The following NOS1AP variants were observed in gnomAD, a reference collection of about 807,000 sequenced individuals.
The protein encoded by NOS1AP is nitric oxide synthase 1 adaptor protein, also known as carboxyl-terminal PDZ ligand of neuronal nitric oxide synthase protein.
Under a neutral mutation model 56.2 loss-of-function variants are expected in NOS1AP, and 21 were observed. That is an observed-to-expected ratio of 0.37 (90% CI 0.26 to 0.54). NOS1AP has a LOEUF of 0.54. NOS1AP is among the 20% of genes least tolerant of loss of function. The pLI, the probability that NOS1AP is intolerant of heterozygous loss-of-function variation, is 0.84. For missense variants in NOS1AP, 522 were observed against 657.8 expected, an observed-to-expected ratio of 0.79 and a Z score of 2.26; for synonymous variants, 270 against 274.6, an observed-to-expected ratio of 0.98 and a Z score of 0.17.
intron 3 of NOS1AP, among the ~76,000 whole-genome samples, chr1:162,296,887 G>A (rs1655483459): frequency 6.6e-6 from 1 of 152,158 alleles, no homozygotes; most frequent in African/African-American, 2.4e-5. Flanking sequence ...AGAGTCACAG[G>A]TCACAAAAAC....
chr1:162,367,355 C>T lies in NOS1AP; in HGVS notation c.1409C>T (p.Thr470Met), dbSNP rs1658132098. The T allele has an allele frequency of 1.9e-6, 3 of 1,612,334 alleles. No homozygotes were observed. Among genetic ancestry groups the T allele is most frequent in the Admixed American group, 1.7e-5 (1 of 59,944 alleles). The change falls in exon 10 of 10, where the codon ACG becomes ATG. Residue 470 changes from threonine to methionine, a missense_variant. Coordinates refer to ENST00000361897, the MANE Select transcript of NOS1AP (RefSeq NM_014697.3). The surrounding 1 kb of genome is among the most constrained non-coding windows in gnomAD (Gnocchi z 6.5). ...SGIASEYESN[T>M]DESEERDSWS... ...ATCGCCTCGGAGTACGAGTCCAACA[C>T]GGACGAGAGCGAGGAGCGCGACTCG...
At chr1:162,201,612 G>A (rs930886429) in intron 2 of NOS1AP, among the ~76,000 whole-genome samples, 1 of 152,086 alleles carries the variant, frequency 6.6e-6, no homozygotes, top group African/African-American at 2.4e-5. Context: ...GCCAGCATCT[G>A]TTATTTTTTG....
At chr1:162,243,350 C>A (rs1344603353) in intron 2 of NOS1AP, among the ~76,000 whole-genome samples, 2 of 152,130 alleles carry the variant, frequency 1.3e-5, no homozygotes, top group African/African-American at 4.8e-5. Flanking sequence ...GCATAAAGAG[C>A]AGTACCTCTC....
intron 1 of NOS1AP, among the ~76,000 whole-genome samples, chr1:162,145,047 T>C (rs938866063): frequency 6.6e-6 from 1 of 152,196 alleles, no homozygotes; most frequent in Non-Finnish European, 1.5e-5. Flanking sequence ...TGCTGTGATC[T>C]CCGGCACATT....
chr1:162,102,622 T>C (rs978004387), intron 1 of NOS1AP, among the ~76,000 whole-genome samples: 1 of 152,164 alleles, frequency 6.6e-6, no homozygotes, highest in African/African-American at 2.4e-5. Flanking sequence ...AACTCCTTTT[T>C]AGTCTATTCA....
At chr1:162,089,494 A>G (rs1254773799) in intron 1 of NOS1AP, among the ~76,000 whole-genome samples, 1 of 152,216 alleles carries the variant, frequency 6.6e-6, no homozygotes, top group East Asian at 1.9e-4. Context: ...TATTATTGTG[A>G]TACTCTGAGT....
intron 6 of NOS1AP, 35 bp from the exon 7 acceptor site, chr1:162,355,152 C>T: frequency 1.9e-6 from 3 of 1,612,756 alleles, no homozygotes; most frequent in Non-Finnish European, 1.7e-6. Flanking sequence ...TCGGTGTTTT[C>T]ATTCTCTTCC....
chr1:162,121,701 A>G (rs1648243070), intron 1 of NOS1AP, among the ~76,000 whole-genome samples: 1 of 152,216 alleles, frequency 6.6e-6, no homozygotes, highest in Non-Finnish European at 1.5e-5. Context: ...ATAAACAATA[A>G]CAACAAAAAT....
At chr1:162,085,127 G>C (rs1282365872) in intron 1 of NOS1AP, among the ~76,000 whole-genome samples, 1 of 152,098 alleles carries the variant, frequency 6.6e-6, no homozygotes, top group Admixed American at 6.5e-5. Context: ...CAGGTCTCCA[G>C]CTTCTCCAGC....
At chr1:162,301,985 A>T (rs886350244) in intron 4 of NOS1AP, among the ~76,000 whole-genome samples, 4 of 152,230 alleles carry the variant, frequency 2.6e-5, no homozygotes, top group Non-Finnish European at 5.9e-5. Context: ...AATTTCATAG[A>T]TTACTAAACT....
chr1:162,178,171 G>T (rs865867613), intron 2 of NOS1AP, among the ~76,000 whole-genome samples: 1 of 152,100 alleles, frequency 6.6e-6, no homozygotes, highest in Non-Finnish European at 1.5e-5. Context: ...TCTTATTATG[G>T]CTCGATAGCT....
rs190619010 is a variant in NOS1AP, at chr1:162,239,772, A to G, written c.178-47572A>G. On this transcript the variant is annotated intron_variant, in intron 2 of 9. Coordinates refer to ENST00000361897, the MANE Select transcript of NOS1AP (RefSeq NM_014697.3). ...AGTGGGAGAGAACCCCAGTAGGAAA[A>G]GCAGCATAAACAAGTAGGGTGATGT... is the stretch of plus-strand genomic sequence containing the variant. Among the ~76,000 whole-genome samples the G allele has an allele frequency of 1.8e-3, 272 of 152,348 alleles. 3 individuals carry two copies. The highest frequency in any genetic ancestry group is 6.0e-3 in the African/African-American group (248 of 41,580).
chr1:162,167,807 G>A (rs1382306011), intron 2 of NOS1AP, among the ~76,000 whole-genome samples: 2 of 152,216 alleles, frequency 1.3e-5, no homozygotes, highest in Admixed American at 6.5e-5. Flanking sequence ...GGAGAGCTGG[G>A]AAGGGAGACA....
intron 1 of NOS1AP, among the ~76,000 whole-genome samples, chr1:162,092,075 G>C (rs1428855627): frequency 6.6e-6 from 1 of 152,174 alleles, no homozygotes; most frequent in Non-Finnish European, 1.5e-5. Flanking sequence ...CAAGGCTGTG[G>C]ATCCAACAAA....
At chr1:162,298,247 C>T (rs1367499614) in intron 3 of NOS1AP, among the ~76,000 whole-genome samples, 3 of 152,234 alleles carry the variant, frequency 2.0e-5, no homozygotes, top group Admixed American at 6.5e-5. Context: ...GGCTCATCTT[C>T]CCTGCCAGCT....
chr1:162,160,025 G>A lies in NOS1AP; in HGVS notation c.177+5549G>A, dbSNP rs531651422. On this transcript the variant is annotated intron_variant, in intron 2 of 9. Transcript: ENST00000361897. Reference sequence around the variant, plus strand: ...TTGATTTCTTGCTCTTAAACCAGGGGATAGATCCCTGCAGTCGAAACGTGG... The same window carrying A: ...TTGATTTCTTGCTCTTAAACCAGGGAATAGATCCCTGCAGTCGAAACGTGG... Among the ~76,000 whole-genome samples, 3 of 152,210 alleles carry A rather than the reference G, an allele frequency of 2.0e-5. No homozygotes were observed. The South Asian group carries it at 6.2e-4, about 32-fold the overall frequency.
chr1:162,160,552 A>G (rs1012392960), intron 2 of NOS1AP, among the ~76,000 whole-genome samples: 1 of 152,136 alleles, frequency 6.6e-6, no homozygotes, highest in Non-Finnish European at 1.5e-5. Context: ...CACCAGCAGT[A>G]CGCTTCGGCA....
chr1:162,208,848 G>A (rs950274492), intron 2 of NOS1AP, among the ~76,000 whole-genome samples: 1 of 152,176 alleles, frequency 6.6e-6, no homozygotes, highest in African/African-American at 2.4e-5. Flanking sequence ...CATCTGCTCA[G>A]CTCATTTTCC....
chr1:162,219,667 G>A (rs1434799671), intron 2 of NOS1AP, among the ~76,000 whole-genome samples: 1 of 152,198 alleles, frequency 6.6e-6, no homozygotes, highest in Non-Finnish European at 1.5e-5. Context: ...GCCCCCACCA[G>A]GGTTCTAGGG....
Sources: allele counts gnomAD v4.1 joint callset (sites outside exome capture counted in the v4.1 genomes callset), GRCh38; gene constraint gnomAD v4.1.1; non-coding constraint Gnocchi (gnomAD v3.1); transcripts MANE v1.5; gene names NCBI Gene and HGNC (gene_info 2026-07-23, HGNC 2026-07-21).